The following PDE3A variants were observed in gnomAD, a reference collection of about 807,000 sequenced individuals.
PDE3A encodes the protein cGMP-inhibited 3',5'-cyclic phosphodiesterase 3A.
PDE3A carries 43 observed loss-of-function variants against 98.3 expected under a neutral mutation model. The observed-to-expected ratio is 0.44, with a 90% CI of 0.34 to 0.56. The LOEUF is 0.56. Among genes scored for constraint, PDE3A ranks in the 20% least tolerant of loss-of-function variants. The probability of loss-of-function intolerance (pLI) is 0.01; values close to 1 mark genes in which losing one functional copy is unlikely to be tolerated. For missense variants in PDE3A, 1,427 were observed against 1,440.7 expected, an observed-to-expected ratio of 0.99 and a Z score of 0.15; for synonymous variants, 663 against 567.9, an observed-to-expected ratio of 1.17 and a Z score of -2.38.
At chr12:20,538,874 G>A (rs960771346) in intron 1 of PDE3A, among the ~76,000 whole-genome samples, 3 of 151,870 alleles carry the variant, frequency 2.0e-5, no homozygotes, top group African/African-American at 4.8e-5. Context: ...TTGAACTCCT[G>A]GACTCAAGCG....
At chr12:20,412,010 C>T (rs117665823) in intron 1 of PDE3A, among the ~76,000 whole-genome samples, 5,034 of 152,144 alleles carry the variant, frequency 0.033, 129 homozygotes, top group Non-Finnish European at 0.049. Context: ...AAAATTTCAG[C>T]ATACTTATGA....
At chr12:20,516,192 A>G (rs1011036813) in intron 1 of PDE3A, among the ~76,000 whole-genome samples, 8 of 151,954 alleles carry the variant, frequency 5.3e-5, no homozygotes, top group Non-Finnish European at 1.0e-4. Flanking sequence ...ATAGATTCTT[A>G]CTCAGACTCA....
chr12:20,450,972 AGT>A (rs1216599868), intron 1 of PDE3A, among the ~76,000 whole-genome samples: 1 of 152,208 alleles, frequency 6.6e-6, no homozygotes, highest in Non-Finnish European at 1.5e-5. Context: ...GCTGAATCAC[AGT>A]GTGAAGGTGA....
At chr12:20,520,945 G>T (rs1592013628) in intron 1 of PDE3A, among the ~76,000 whole-genome samples, 4 of 152,324 alleles carry the variant, frequency 2.6e-5, no homozygotes, top group Admixed American at 2.6e-4. Flanking sequence ...GGAGACCTTG[G>T]CTCATGAAAC....
intron 15 of PDE3A, among the ~76,000 whole-genome samples, chr12:20,670,378 A>C (rs1945439552): frequency 6.6e-6 from 1 of 150,662 alleles, no homozygotes. Flanking sequence ...TCTCCACCCC[A>C]AATCAATAGA....
At chr12:20,536,540 C>T (rs1032322245) in intron 1 of PDE3A, among the ~76,000 whole-genome samples, 8 of 152,096 alleles carry the variant, frequency 5.3e-5, no homozygotes, top group African/African-American at 1.7e-4. Flanking sequence ...ATTTCACCTA[C>T]CTCTCTACTA....
At chr12:20,444,869 G>A (rs1944929261) in intron 1 of PDE3A, among the ~76,000 whole-genome samples, 1 of 152,180 alleles carries the variant, frequency 6.6e-6, no homozygotes, top group Non-Finnish European at 1.5e-5. Context: ...ATAGAAACAG[G>A]AAGTGTTTGC....
At chr12:20,562,029 C>T (rs1372154096) in intron 2 of PDE3A, among the ~76,000 whole-genome samples, 1 of 152,068 alleles carries the variant, frequency 6.6e-6, no homozygotes, top group Non-Finnish European at 1.5e-5. Context: ...AGGAAAGATG[C>T]TAAATGATAA....
chr12:20,584,825 G>A (rs1312558428), intron 2 of PDE3A, among the ~76,000 whole-genome samples: 1 of 151,954 alleles, frequency 6.6e-6, no homozygotes, highest in South Asian at 2.1e-4. Flanking sequence ...TTATGTCCTT[G>A]CTTTCCTTCC....
chr12:20,474,221 A>G (rs753301784), intron 1 of PDE3A, among the ~76,000 whole-genome samples: 7 of 152,054 alleles, frequency 4.6e-5, no homozygotes, highest in Non-Finnish European at 1.0e-4. Context: ...CTCTTTTTAT[A>G]TATTTAGGAG....
intron 1 of PDE3A, among the ~76,000 whole-genome samples, chr12:20,470,169 A>T (rs549820585): frequency 5.3e-5 from 8 of 150,748 alleles, no homozygotes; most frequent in African/African-American, 2.0e-4. Flanking sequence ...CCATTATTTT[A>T]GTTGTTAGGG....
At chr12:20,668,983 C>T (rs937372295) in intron 15 of PDE3A, among the ~76,000 whole-genome samples, 7 of 149,692 alleles carry the variant, frequency 4.7e-5, no homozygotes, top group African/African-American at 1.7e-4. Flanking sequence ...ACTAGAATAA[C>T]CAATACAGAG....
In PDE3A at chr12:20,597,113, G is replaced by A. The variant is rs770136743; in HGVS notation, c.1012-16330G>A. The stretch of plus-strand genomic sequence containing the variant: ...TGTTGAAAGTCACTCCCTTTACAAT[G>A]TCATTGTTTAGATCTCTTGAGTTGC... On this transcript the variant is annotated intron_variant, in intron 2 of 15. Transcript: ENST00000359062. Among the ~76,000 whole-genome samples, 8 of 152,268 alleles carry A rather than the reference G, an allele frequency of 5.3e-5. No individual in the cohort carries two copies. The South Asian group carries it at 1.0e-3, about 20-fold the overall frequency.
At chr12:20,499,970 C>A (rs1318286040) in intron 1 of PDE3A, among the ~76,000 whole-genome samples, 2 of 152,144 alleles carry the variant, frequency 1.3e-5, no homozygotes, top group African/African-American at 4.8e-5. Flanking sequence ...AAATGACTTG[C>A]TGAGGGCACC....
At chr12:20,457,635 GA>G (rs1565555581) in intron 1 of PDE3A, among the ~76,000 whole-genome samples, 1 of 151,224 alleles carries the variant, frequency 6.6e-6, no homozygotes, top group Non-Finnish European at 1.5e-5. Context: ...AATGCAACTA[GA>G]TAGAAAAGGA....
chr12:20,387,213 G>A (rs1591872945), intron 1 of PDE3A, among the ~76,000 whole-genome samples: 1 of 151,948 alleles, frequency 6.6e-6, no homozygotes, highest in Non-Finnish European at 1.5e-5. Flanking sequence ...CACAATGCCT[G>A]CTGCTTTGTT....
intron 1 of PDE3A, among the ~76,000 whole-genome samples, chr12:20,555,033 T>C (rs1239157347): frequency 6.6e-6 from 1 of 152,062 alleles, no homozygotes; most frequent in Non-Finnish European, 1.5e-5. Flanking sequence ...ATGGATTCCT[T>C]TCTTTTGAGA....
At chr12:20,484,950 T>C (rs1214485872) in intron 1 of PDE3A, among the ~76,000 whole-genome samples, 3 of 152,170 alleles carry the variant, frequency 2.0e-5, no homozygotes, top group African/African-American at 2.4e-5. Context: ...CTTGAGAAAA[T>C]ACCTTGGTCA....
intron 1 of PDE3A, among the ~76,000 whole-genome samples, chr12:20,460,609 C>T (rs1945229519): frequency 6.6e-6 from 1 of 152,134 alleles, no homozygotes; most frequent in African/African-American, 2.4e-5. Context: ...ATTCACATAA[C>T]TGATTAGTTA....
Sources: allele counts gnomAD v4.1 joint callset (sites outside exome capture counted in the v4.1 genomes callset), GRCh38; gene constraint gnomAD v4.1.1; transcripts MANE v1.5; gene names NCBI Gene and HGNC (gene_info 2026-07-23, HGNC 2026-07-21).